FBLN1: variants seen among roughly 807,000 people sequenced by gnomAD.
FBLN1 encodes the protein fibulin-1.
In FBLN1, 34 loss-of-function variants were observed where a neutral mutation model predicts 89.7. The ratio of observed to expected loss-of-function variants is 0.38; its 90% CI spans 0.29 to 0.50. FBLN1 has a LOEUF of 0.50. Ranked by LOEUF, FBLN1 falls within the 20% of genes least tolerant of loss-of-function variation. The probability of loss-of-function intolerance (pLI) is 0.92; values close to 1 mark genes in which losing one functional copy is unlikely to be tolerated. For missense variants in FBLN1, 777 were observed against 988.1 expected (o/e 0.79, Z 2.86); for synonymous variants, 393 against 391.3 (o/e 1.00, Z -0.05).
rs920605743 is a variant in FBLN1 at position 45,580,154 on chromosome 22, G to A, written c.1972+3046G>A. 1.3e-5 allele frequency among the ~76,000 whole-genome samples: 2 copies of A among 152,242 alleles called. No homozygotes were observed. The highest frequency in any genetic ancestry group is 2.1e-4 in the South Asian group (1 of 4,820). On this transcript the variant is annotated intron_variant, in intron 16 of 16. Coordinates refer to ENST00000327858, the MANE Select transcript of FBLN1 (RefSeq NM_006486.3). This position sits in a 1 kb window ranked among gnomAD's most constrained non-coding sequence, Gnocchi z 8.6. ...AACTGCAGGGCCTGGGATGTTTTCCGACTTGTTTTTAGCAGTGCAGTTCTG... is the reference window on the plus strand; with the variant it reads ...AACTGCAGGGCCTGGGATGTTTTCCAACTTGTTTTTAGCAGTGCAGTTCTG...
Position 45,503,015 on chromosome 22 carries a change from C to G in FBLN1, c.30C>G (p.Val10=), listed in dbSNP as rs984261801. 2.4e-6 allele frequency: 3 copies of G among 1,245,432 alleles called. No individual in the cohort carries two copies. Among genetic ancestry groups the G allele is most frequent in the Non-Finnish European group, 3.0e-6 (3 of 996,378 alleles). The allele number at this position is 1,245,432 out of a possible 1,614,324, so 77.1% of individuals were successfully genotyped here. A position where few individuals can be genotyped will look rare whatever the true frequency, so the allele number is the denominator to read the frequency against. ...AGCGCGCCGCGCCGTCGCGCCGGGTCCCGCTTCCGCTGCTGCTGCTCGGCG... is the reference window on the plus strand; with the variant it reads ...AGCGCGCCGCGCCGTCGCGCCGGGTGCCGCTTCCGCTGCTGCTGCTCGGCG... MERAAPSRR[V]PLPLLLLGGL... Residue 10 remains valine (V), a synonymous_variant, in exon 1 of 17, where the codon GTC becomes GTG. Transcript: ENST00000327858.
At chr22:45,525,519 G>A in intron 2 of FBLN1, 24 bp from the exon 3 acceptor site, 2 of 1,548,568 alleles carry the variant, frequency 1.3e-6, no homozygotes, top group South Asian at 1.2e-5. Flanking sequence ...CAGAGCCTTG[G>A]CCCAGCCCAC....
rs552111358 is a variant in FBLN1 at position 45,561,645 on chromosome 22, T to C, written c.1697+11030T>C. Among the ~76,000 whole-genome samples the C allele has an allele frequency of 1.3e-5, 2 of 152,302 alleles. No homozygotes were observed. The highest frequency in any genetic ancestry group is 4.8e-5 in the African/African-American group (2 of 41,564). On this transcript the variant is annotated intron_variant, in intron 14 of 16. Coordinates refer to ENST00000327858, the MANE Select transcript of FBLN1 (RefSeq NM_006486.3). This position sits in a 1 kb window ranked among gnomAD's most constrained non-coding sequence, Gnocchi z 4.7. ...ACCAATGAAAGAACTCCATCTTTAATATTCTCTTCCTCTAGAACCACTCCT... is the reference window on the plus strand; with the variant it reads ...ACCAATGAAAGAACTCCATCTTTAACATTCTCTTCCTCTAGAACCACTCCT...
chr22:45,503,334 C>T (rs2087973615), intron 1 of FBLN1: 1 of 240,442 alleles, frequency 4.2e-6, no homozygotes, highest in Non-Finnish European at 8.0e-6. Flanking sequence ...GCAAATCCAG[C>T]CGGCTCCGGG....
intron 14 of FBLN1, among the ~76,000 whole-genome samples, chr22:45,552,654 G>A (rs2088719279): frequency 6.6e-6 from 1 of 152,206 alleles, no homozygotes; most frequent in African/African-American, 2.4e-5. Context: ...CGGGAGCCTT[G>A]ACAGACAGGA....
intron 3 of FBLN1, among the ~76,000 whole-genome samples, chr22:45,526,877 C>T (rs1216349900): frequency 6.6e-6 from 1 of 152,050 alleles, no homozygotes; most frequent in Non-Finnish European, 1.5e-5. Context: ...CAGATGCCGT[C>T]GGTCCGGCAC....
chr22:45,584,809 A>C (rs911353076), intron 16 of FBLN1, among the ~76,000 whole-genome samples: 4 of 152,262 alleles, frequency 2.6e-5, no homozygotes, highest in Non-Finnish European at 5.9e-5. Context: ...CCAACTGCCC[A>C]GGACCTACTT....
chr22:45,592,192 A>C (rs537604625), intron 16 of FBLN1, among the ~76,000 whole-genome samples: 1 of 152,264 alleles, frequency 6.6e-6, no homozygotes, highest in East Asian at 1.9e-4. Context: ...CCTAACTGCG[A>C]TGGGGGCTGA....
rs1411848945 is a variant in FBLN1 at position 45,583,152 on chromosome 22, C to T, written c.1972+6044C>T. Among the ~76,000 whole-genome samples the T allele has an allele frequency of 6.6e-6, 1 of 152,180 alleles. No individual in the cohort carries two copies. Among genetic ancestry groups the T allele is most frequent in the African/African-American group, 2.4e-5 (1 of 41,432 alleles). Reference sequence around the variant, plus strand: ...AAAAAAGGAAGTGCTGGCCCAGGGTCCCACAGCCAGCAAGTTGGAGCTGCA... The same window carrying T: ...AAAAAAGGAAGTGCTGGCCCAGGGTTCCACAGCCAGCAAGTTGGAGCTGCA... On this transcript the variant is annotated intron_variant, in intron 16 of 16. Coordinates refer to ENST00000327858, the MANE Select transcript of FBLN1 (RefSeq NM_006486.3). The surrounding 1 kb of genome is among the most constrained non-coding windows in gnomAD (Gnocchi z 4.5).
In FBLN1 at chr22:45,583,754, C is replaced by T. The variant is rs571312227; in HGVS notation, c.1972+6646C>T. ...CTAGAGAGGTGGGGAGCACCCCTTG[C>T]AGGGCCAATGGGAAGGGGAAGCGCC... On this transcript the variant is annotated intron_variant, in intron 16 of 16. Transcript: ENST00000327858. The surrounding 1 kb of genome is among the most constrained non-coding windows in gnomAD (Gnocchi z 4.5). Among the ~76,000 whole-genome samples the T allele has an allele frequency of 2.6e-5, 4 of 152,166 alleles. No individual in the cohort carries two copies. The East Asian group carries it at 7.7e-4, about 29-fold the overall frequency.
chr22:45,503,202 G>A, intron 1 of FBLN1, 138 bp downstream of exon 1: 1 of 485,242 alleles, frequency 2.1e-6, no homozygotes, highest in Non-Finnish European at 3.0e-6. Flanking sequence ...TCAGCGCCGA[G>A]GCCTCGGCGA....
At chr22:45,526,188 A>C (rs2088325569) in intron 3 of FBLN1, among the ~76,000 whole-genome samples, 1 of 152,232 alleles carries the variant, frequency 6.6e-6, no homozygotes, top group Admixed American at 6.5e-5. Context: ...CCAGCCTCCA[A>C]AATGGCCTCT....
At position 45,527,986 on chromosome 22, in the gene FBLN1, A is replaced by G; in HGVS notation, c.461A>G (p.Asp154Gly). The change falls in exon 4 of 17, where the codon GAT becomes GGT. Residue 154 changes from aspartate (D) to glycine (G), a missense_variant. Asp to Gly is a moderately conservative substitution (Grantham distance 94). Coordinates refer to ENST00000327858, the MANE Select transcript of FBLN1 (RefSeq NM_006486.3). ...CVKSQETGDLDVGGLQETDKI... is the reference protein window; with the variant it reads ...CVKSQETGDLGVGGLQETDKI... ...AAGAGCCAGGAGACCGGAGATTTGG[A>G]TGTCGGGGGCCTCCAAGAAACGGGT... The G allele has an allele frequency of 1.2e-6, 2 of 1,614,212 alleles. No individual in the cohort carries two copies. Among genetic ancestry groups the G allele is most frequent in the South Asian group, 1.1e-5 (1 of 91,076 alleles).
intron 16 of FBLN1, among the ~76,000 whole-genome samples, chr22:45,586,460 A>G (rs1437361503): frequency 6.6e-6 from 1 of 152,174 alleles, no homozygotes; most frequent in African/African-American, 2.4e-5. Context: ...GGGAGATTAC[A>G]CAGCTCCACA....
At position 45,577,869 on chromosome 22, in the gene FBLN1, C is replaced by T. The variant is rs2089011170; in HGVS notation, c.1972+761C>T. The T allele has an allele frequency of 6.5e-6, 1 of 154,862 alleles. No homozygotes were observed. Among genetic ancestry groups the T allele is most frequent in the South Asian group, 2.0e-4 (1 of 5,022 alleles). 9.6% of individuals were successfully genotyped at this position (154,862 alleles called of 1,614,324 possible). A position where few individuals can be genotyped will look rare whatever the true frequency, so the allele number is the denominator to read the frequency against. On this transcript the variant is annotated intron_variant, in intron 16 of 16. Coordinates refer to ENST00000327858, the MANE Select transcript of FBLN1 (RefSeq NM_006486.3). The surrounding 1 kb of genome is among the most constrained non-coding windows in gnomAD (Gnocchi z 6.6). ...TACTCGTGTGAAAAAATATCCAGGCCCACTCCATTCCGCACGCTTGTTTCT... is the reference window on the plus strand; with the variant it reads ...TACTCGTGTGAAAAAATATCCAGGCTCACTCCATTCCGCACGCTTGTTTCT...
intron 1 of FBLN1, among the ~76,000 whole-genome samples, chr22:45,503,775 C>T (rs2235203): frequency 0.65 from 98,466 of 152,002 alleles, 32,039 homozygotes; most frequent in Admixed American, 0.69. Flanking sequence ...CTTCCACCAA[C>T]GGCAAGGGGG....
In FBLN1 at chr22:45,577,004, C is replaced by A; in HGVS notation, c.1868C>A (p.Pro623Gln). 6.2e-7 allele frequency: 1 copy of A among 1,614,112 alleles called. No individual in the cohort carries two copies. Residue 623 changes from proline to glutamine, a missense_variant, in exon 16 of 17, where the codon CCA becomes CAA. Coordinates refer to ENST00000327858, the MANE Select transcript of FBLN1 (RefSeq NM_006486.3). This position sits in a 1 kb window ranked among gnomAD's most constrained non-coding sequence, Gnocchi z 6.6. Reference sequence around the variant, plus strand: ...ATCATCTTCCTCCGGGCCATCACGCCACCGCATCCTGCCAGCCAGGCTAAC... The same window carrying A: ...ATCATCTTCCTCCGGGCCATCACGCAACCGCATCCTGCCAGCCAGGCTAAC... ...EEIIFLRAIT[P>Q]PHPASQANII...
In FBLN1 at chr22:45,581,143, G is replaced by A. The variant is rs1007771939; in HGVS notation, c.1972+4035G>A. On this transcript the variant is annotated intron_variant, in intron 16 of 16. Coordinates refer to ENST00000327858, the MANE Select transcript of FBLN1 (RefSeq NM_006486.3). This position sits in a 1 kb window ranked among gnomAD's most constrained non-coding sequence, Gnocchi z 7.6. ...ATATCCTGAGTGATGACTAATGGGG[G>A]AGCCCTGGCTGCAGCAGGGGCGGGC... 1.5e-4 allele frequency among the ~76,000 whole-genome samples: 23 copies of A among 152,170 alleles called. No homozygotes were observed. Among genetic ancestry groups the A allele is most frequent in the Non-Finnish European group, 5.9e-5 (4 of 68,024 alleles).
chr22:45,563,050 C>A lies in FBLN1; in HGVS notation c.1698-11461C>A, dbSNP rs373993607. On this transcript the variant is annotated intron_variant, in intron 14 of 16. Coordinates refer to ENST00000327858, the MANE Select transcript of FBLN1 (RefSeq NM_006486.3). The surrounding 1 kb of genome is among the most constrained non-coding windows in gnomAD (Gnocchi z 5.7). ...TCCGCATGGGCCCCTCCAGTGCTGT[C>A]CCCGGGGACAGCATGCAGCTGGCCA... 3.1e-6 allele frequency: 5 copies of A among 1,613,448 alleles called. No individual in the cohort carries two copies. The East Asian group carries it at 8.9e-5, about 29-fold the overall frequency.
Sources: allele counts gnomAD v4.1 joint callset (sites outside exome capture counted in the v4.1 genomes callset), GRCh38; gene constraint gnomAD v4.1.1; non-coding constraint Gnocchi (gnomAD v3.1); transcripts MANE v1.5; gene names NCBI Gene and HGNC (gene_info 2026-07-23, HGNC 2026-07-21).